WWOX: variants seen among roughly 807,000 people sequenced by gnomAD.
WWOX encodes the protein WW domain containing oxidoreductase, also known as WW domain-containing oxidoreductase.
Under a neutral mutation model 46.2 loss-of-function variants are expected in WWOX, and 69 were observed. That is an observed-to-expected ratio of 1.49 (90% CI 1.23 to 1.82). The LOEUF is 1.82. Ranked by LOEUF, WWOX falls within the 40% of genes most tolerant of loss-of-function variation. WWOX has a pLI of 0.00. For synonymous variants in WWOX, 359 were observed against 202.6 expected (o/e 1.77, Z -6.56); for missense variants, 919 against 542.6 (o/e 1.69, Z -6.89).
At chr16:79,041,297 C>A (rs759227263) in intron 8 of WWOX, among the ~76,000 whole-genome samples, 2 of 152,162 alleles carry the variant, frequency 1.3e-5, no homozygotes, top group East Asian at 3.9e-4. Flanking sequence ...TCACCCCTCC[C>A]GCTTGTCCCC....
chr16:78,230,789 G>C (rs1316574270), intron 5 of WWOX, among the ~76,000 whole-genome samples: 1 of 152,230 alleles, frequency 6.6e-6, no homozygotes, highest in East Asian at 1.9e-4. Flanking sequence ...GTATAGACTA[G>C]GGGGCTGATG....
intron 8 of WWOX, among the ~76,000 whole-genome samples, chr16:78,907,536 T>TC (rs1215540933): frequency 3.3e-5 from 5 of 151,806 alleles, no homozygotes; most frequent in African/African-American, 4.8e-5. Context: ...GTACTAAATA[T>TC]CCCCCCAAAG....
chr16:79,210,109 C>T (rs1287353512), intron 8 of WWOX, among the ~76,000 whole-genome samples: 1 of 152,176 alleles, frequency 6.6e-6, no homozygotes, highest in African/African-American at 2.4e-5. Flanking sequence ...ATTATCAAAA[C>T]CCAAGTCTTT....
At chr16:78,811,085 C>T (rs28694184) in intron 8 of WWOX, among the ~76,000 whole-genome samples, 15,332 of 152,170 alleles carry the variant, frequency 0.1, 871 homozygotes, top group African/African-American at 0.17. Flanking sequence ...AAGACAACTC[C>T]TCTTCTCGTC....
chr16:78,889,752 C>A (rs552277189), intron 8 of WWOX, among the ~76,000 whole-genome samples: 1 of 152,172 alleles, frequency 6.6e-6, no homozygotes, highest in Non-Finnish European at 1.5e-5. Context: ...CGATATAGTT[C>A]CCTATTTTGT....
At chr16:78,649,923 T>A (rs1411722602) in intron 8 of WWOX, among the ~76,000 whole-genome samples, 1 of 152,170 alleles carries the variant, frequency 6.6e-6, no homozygotes, top group African/African-American at 2.4e-5. Context: ...TGTGTTTGGA[T>A]CAACAGCCCT....
intron 5 of WWOX, among the ~76,000 whole-genome samples, chr16:78,385,237 C>T (rs1471980754): frequency 1.3e-5 from 2 of 151,974 alleles, no homozygotes; most frequent in Non-Finnish European, 2.9e-5. Flanking sequence ...TCTGATGTGG[C>T]CTTCAGGGAG....
chr16:78,435,341 C>A (rs946539211), intron 8 of WWOX, among the ~76,000 whole-genome samples: 3 of 152,206 alleles, frequency 2.0e-5, no homozygotes, highest in African/African-American at 7.2e-5. Flanking sequence ...CTCTGCCGCA[C>A]CCTACTGCAG....
chr16:79,009,772 G>T (rs956977647), intron 8 of WWOX, among the ~76,000 whole-genome samples: 8 of 152,130 alleles, frequency 5.3e-5, no homozygotes, highest in Admixed American at 4.6e-4. Context: ...TTCAAAGGAA[G>T]AAATGGAATG....
intron 8 of WWOX, among the ~76,000 whole-genome samples, chr16:79,149,387 G>C (rs7204962): frequency 0.29 from 43,658 of 151,922 alleles, 6,436 homozygotes; most frequent in East Asian, 0.42. Flanking sequence ...ATCCCACTTG[G>C]TCATGGCATA....
chr16:79,131,321 T>C (rs1462795736), intron 8 of WWOX, among the ~76,000 whole-genome samples: 1 of 152,058 alleles, frequency 6.6e-6, no homozygotes, highest in Admixed American at 6.6e-5. Flanking sequence ...AGTTATGTGC[T>C]TGGAAAAAAT....
chr16:78,545,299 G>A (rs2044002075), intron 8 of WWOX, among the ~76,000 whole-genome samples: 1 of 152,164 alleles, frequency 6.6e-6, no homozygotes, highest in South Asian at 2.1e-4. Flanking sequence ...CTCTGCTTCT[G>A]AGGAAATGGT....
In WWOX at chr16:78,945,318, A is replaced by G. The variant is rs193156703; in HGVS notation, c.1057-266290A>G. 4.3e-3 allele frequency among the ~76,000 whole-genome samples: 661 copies of G among 152,314 alleles called. 1 individual carries two copies. The highest frequency in any genetic ancestry group is 6.6e-3 in the Non-Finnish European group (447 of 68,020). On this transcript the variant is annotated intron_variant, in intron 8 of 8. Transcript: ENST00000566780. ...GATTTGAGTTGAGCAATTTGATTTGATTGATCTTCTTAAATGTATAATCTC... is the reference window on the plus strand; with the variant it reads ...GATTTGAGTTGAGCAATTTGATTTGGTTGATCTTCTTAAATGTATAATCTC...
chr16:78,656,712 T>C (rs2047089098), intron 8 of WWOX, among the ~76,000 whole-genome samples: 1 of 152,128 alleles, frequency 6.6e-6, no homozygotes, highest in Admixed American at 6.5e-5. Flanking sequence ...CCCAACCATA[T>C]CGGCACCCAC....
chr16:78,521,527 G>C (rs554454265), intron 8 of WWOX, among the ~76,000 whole-genome samples: 7 of 152,118 alleles, frequency 4.6e-5, no homozygotes, highest in Non-Finnish European at 7.3e-5. Flanking sequence ...ATGTGTTTAG[G>C]TTTCCTCCTT....
chr16:78,426,923 C>T (rs8050734), intron 7 of WWOX, among the ~76,000 whole-genome samples: 1 of 151,990 alleles, frequency 6.6e-6, no homozygotes, highest in Non-Finnish European at 1.5e-5. Flanking sequence ...TGGCTTCTCA[C>T]AGTGCTGTGA....
intron 5 of WWOX, among the ~76,000 whole-genome samples, chr16:78,196,422 C>T (rs2036054970): frequency 5.3e-5 from 8 of 152,162 alleles, no homozygotes; most frequent in Admixed American, 5.2e-4. Flanking sequence ...ACCAAGGCTC[C>T]TTTTGCAAAG....
At chr16:78,297,042 C>G (rs2079953923) in intron 5 of WWOX, among the ~76,000 whole-genome samples, 1 of 152,108 alleles carries the variant, frequency 6.6e-6, no homozygotes, top group Non-Finnish European at 1.5e-5. Flanking sequence ...ATTATCTGGC[C>G]CAATAAAAAT....
chr16:78,585,695 T>TG (rs2045182763), intron 8 of WWOX, among the ~76,000 whole-genome samples: 1 of 151,058 alleles, frequency 6.6e-6, no homozygotes, highest in Non-Finnish European at 1.5e-5. Flanking sequence ...TTGTTTTTTT[T>TG]TGTTTTTTTT....
Sources: gnomAD v4.1 joint callset for allele counts (sites outside exome capture counted in the v4.1 genomes callset) on GRCh38, gnomAD v4.1.1 for gene constraint, MANE v1.5 for transcripts, NCBI Gene and HGNC (gene_info 2026-07-23, HGNC 2026-07-21) for gene names.